PELI2: variants seen among roughly 807,000 people sequenced by gnomAD.
PELI2 encodes the protein E3 ubiquitin-protein ligase pellino homolog 2.
PELI2 carries 23 observed loss-of-function variants against 42.3 expected under a neutral mutation model. The observed-to-expected ratio is 0.54, with a 90% CI of 0.39 to 0.77. The LOEUF (loss-of-function observed/expected upper bound fraction) is 0.77. PELI2 is among the 30% of genes least tolerant of loss of function. The probability of loss-of-function intolerance (pLI) is 0.00; values close to 1 mark genes in which losing one functional copy is unlikely to be tolerated. For missense variants in PELI2, 463 were observed against 553.2 expected (o/e 0.84, Z 1.64); for synonymous variants, 245 against 212.2 (o/e 1.15, Z -1.34).
intron 1 of PELI2, among the ~76,000 whole-genome samples, chr14:56,120,130 A>G (rs150751552): frequency 6.6e-6 from 1 of 152,290 alleles, no homozygotes; most frequent in East Asian, 1.9e-4. Context: ...TTTCTCACCT[A>G]CATCTTAATT....
chr14:56,211,114 G>A (rs1886699531), intron 2 of PELI2, among the ~76,000 whole-genome samples: 1 of 152,162 alleles, frequency 6.6e-6, no homozygotes, highest in Non-Finnish European at 1.5e-5. Context: ...GCTGTCAACT[G>A]AGAAGTGCCC....
rs1197848035 is a variant in PELI2, at chr14:56,242,303, T to C, written c.208-37373T>C. Among the ~76,000 whole-genome samples the C allele has an allele frequency of 3.9e-5, 6 of 152,360 alleles. No homozygotes were observed. The South Asian group carries it at 1.2e-3, about 32-fold the overall frequency. On this transcript the variant is annotated intron_variant, in intron 2 of 5. Coordinates refer to ENST00000267460, the MANE Select transcript of PELI2 (RefSeq NM_021255.3). ...TGCACTACAGACTCTGCTGTGAGCA[T>C]TATATACCATAGTCGTAGCCATGAA...
chr14:56,209,627 A>G (rs561956656), intron 2 of PELI2, among the ~76,000 whole-genome samples: 5 of 152,352 alleles, frequency 3.3e-5, no homozygotes, highest in Non-Finnish European at 7.3e-5. Flanking sequence ...TTAATTTATA[A>G]TATGGTAAAT....
At chr14:56,140,283 T>G (rs1186516184) in intron 1 of PELI2, among the ~76,000 whole-genome samples, 2 of 152,196 alleles carry the variant, frequency 1.3e-5, no homozygotes, top group African/African-American at 2.4e-5. Flanking sequence ...AGCAAATTCC[T>G]TCTACCCCAT....
At chr14:56,156,800 C>T (rs941680494) in intron 1 of PELI2, among the ~76,000 whole-genome samples, 1 of 152,120 alleles carries the variant, frequency 6.6e-6, no homozygotes, top group African/African-American at 2.4e-5. Flanking sequence ...TTGGACAATA[C>T]GGATCTATAC....
At position 56,192,922 on chromosome 14, in the gene PELI2, A is replaced by G. The variant is rs1886003706; in HGVS notation, c.207+14458A>G. 3.3e-5 allele frequency among the ~76,000 whole-genome samples: 5 copies of G among 152,246 alleles called. No individual in the cohort carries two copies. In the South Asian group the frequency reaches 1.0e-3, roughly 31 times the overall value. The stretch of plus-strand genomic sequence containing the variant: ...CAGAATGGAGACCTAAGGGGTAATA[A>G]TAAGTGAGAAAATTTCTTAACAAAT... On this transcript the variant is annotated intron_variant, in intron 2 of 5. Coordinates refer to ENST00000267460, the MANE Select transcript of PELI2 (RefSeq NM_021255.3).
intron 1 of PELI2, among the ~76,000 whole-genome samples, chr14:56,134,851 T>A (rs1300397986): frequency 6.6e-6 from 1 of 152,142 alleles, no homozygotes; most frequent in Admixed American, 6.5e-5. Context: ...GTTTTTCTTT[T>A]ATTACACCAT....
intron 1 of PELI2, among the ~76,000 whole-genome samples, chr14:56,157,705 A>G (rs242412): frequency 2.6e-5 from 4 of 152,024 alleles, no homozygotes; most frequent in African/African-American, 9.7e-5. Flanking sequence ...TCTGGCATGT[A>G]TGTATTTCCA....
At chr14:56,152,467 T>C (rs1190002213) in intron 1 of PELI2, among the ~76,000 whole-genome samples, 2 of 152,126 alleles carry the variant, frequency 1.3e-5, no homozygotes, top group Non-Finnish European at 2.9e-5. Flanking sequence ...AACAGTCTGT[T>C]TATGAGAGGA....
chr14:56,262,418 A>T (rs1888743594), intron 2 of PELI2, among the ~76,000 whole-genome samples: 1 of 152,174 alleles, frequency 6.6e-6, no homozygotes, highest in Non-Finnish European at 1.5e-5. Flanking sequence ...TGATTGTTTT[A>T]TTATAAGCAA....
intron 2 of PELI2, among the ~76,000 whole-genome samples, chr14:56,278,357 A>AT (rs771808807): frequency 2.2e-4 from 33 of 152,218 alleles, no homozygotes; most frequent in Non-Finnish European, 4.3e-4. Flanking sequence ...ACAAAAGTTA[A>AT]TTAACACAAA....
intron 2 of PELI2, among the ~76,000 whole-genome samples, chr14:56,248,642 C>T (rs368470571): frequency 4.6e-5 from 7 of 151,914 alleles, no homozygotes; most frequent in South Asian, 2.1e-4. Flanking sequence ...ATGAGGAGGC[C>T]GGATCCTGGA....
At chr14:56,205,762 T>G (rs1886496051) in intron 2 of PELI2, among the ~76,000 whole-genome samples, 1 of 152,164 alleles carries the variant, frequency 6.6e-6, no homozygotes, top group Non-Finnish European at 1.5e-5. Context: ...CTGATCGCTT[T>G]GAGGGCCCTT....
At chr14:56,267,136 A>G (rs1015719274) in intron 2 of PELI2, among the ~76,000 whole-genome samples, 1 of 152,090 alleles carries the variant, frequency 6.6e-6, no homozygotes, top group African/African-American at 2.4e-5. Context: ...TTGTGTACAT[A>G]TTACCTTATT....
intron 2 of PELI2, among the ~76,000 whole-genome samples, chr14:56,183,139 T>C (rs1885647440): frequency 6.6e-6 from 1 of 152,218 alleles, no homozygotes; most frequent in Admixed American, 6.5e-5. Context: ...AATTAATTTG[T>C]TGAGTATTTT....
At chr14:56,168,838 C>T (rs886143597) in intron 1 of PELI2, among the ~76,000 whole-genome samples, 6 of 152,088 alleles carry the variant, frequency 3.9e-5, no homozygotes, top group African/African-American at 1.4e-4. Context: ...GATGTAGTAC[C>T]TGGGTATCAC....
intron 2 of PELI2, among the ~76,000 whole-genome samples, chr14:56,246,386 C>A (rs760736467): frequency 1.3e-5 from 2 of 152,194 alleles, no homozygotes; most frequent in Non-Finnish European, 2.9e-5. Flanking sequence ...TCAACATTTT[C>A]TCTAATGTTA....
intron 1 of PELI2, among the ~76,000 whole-genome samples, chr14:56,130,071 T>C (rs1168251193): frequency 2.0e-5 from 3 of 148,342 alleles, no homozygotes; most frequent in Admixed American, 2.0e-4. Context: ...TTTTTTTTTT[T>C]CTTTTCCTGA....
At chr14:56,211,019 A>G (rs1199383878) in intron 2 of PELI2, among the ~76,000 whole-genome samples, 1 of 152,194 alleles carries the variant, frequency 6.6e-6, no homozygotes. Context: ...GGTGCAGCTC[A>G]CACATTCTGG....
Sources: gnomAD v4.1 joint callset for allele counts (sites outside exome capture counted in the v4.1 genomes callset) on GRCh38, gnomAD v4.1.1 for gene constraint, MANE v1.5 for transcripts, NCBI Gene and HGNC (gene_info 2026-07-23, HGNC 2026-07-21) for gene names.